CADPS2: variants seen among roughly 807,000 people sequenced by gnomAD.
CADPS2 encodes the protein calcium-dependent secretion activator 2.
A neutral mutation model predicts 172.5 loss-of-function variants in CADPS2; 93 were observed. That is an observed-to-expected ratio of 0.54 (90% CI 0.46 to 0.64). CADPS2 has a LOEUF of 0.64. Among genes scored for constraint, CADPS2 ranks in the 30% least tolerant of loss-of-function variants. CADPS2 has a pLI of 0.00. For missense variants in CADPS2, 1,420 were observed against 1,565.9 expected, an observed-to-expected ratio of 0.91 and a Z score of 1.57; for synonymous variants, 546 against 555.2, an observed-to-expected ratio of 0.98 and a Z score of 0.23.
intron 6 of CADPS2, among the ~76,000 whole-genome samples, chr7:122,597,185 G>A (rs527446811): frequency 1.3e-5 from 2 of 152,024 alleles, no homozygotes; most frequent in Non-Finnish European, 2.9e-5. Context: ...GGCTTGGGGG[G>A]TCAAATATCC....
intron 28 of CADPS2, among the ~76,000 whole-genome samples, chr7:122,341,660 T>A (rs887891480): frequency 6.6e-6 from 1 of 152,168 alleles, no homozygotes; most frequent in South Asian, 2.1e-4. Flanking sequence ...AGAAATACGA[T>A]TTCAAAGTTT....
At chr7:122,797,128 GAC>G (rs1207063119) in intron 1 of CADPS2, among the ~76,000 whole-genome samples, 1 of 151,990 alleles carries the variant, frequency 6.6e-6, no homozygotes, top group East Asian at 1.9e-4. Context: ...TATCATTAGA[GAC>G]ACGCAAATCA....
chr7:122,819,255 A>G (rs1437750988), intron 1 of CADPS2, among the ~76,000 whole-genome samples: 2 of 152,272 alleles, frequency 1.3e-5, no homozygotes, highest in Admixed American at 6.5e-5. Flanking sequence ...CTCCTAAGCC[A>G]CGTCCCATCT....
intron 1 of CADPS2, among the ~76,000 whole-genome samples, chr7:122,865,730 GGGAAAA>G (rs1818136697): frequency 6.6e-6 from 1 of 152,174 alleles, no homozygotes; most frequent in Non-Finnish European, 1.5e-5. Context: ...TAATGAAAGG[GGGAAAA>G]GGAAAATGAG....
At chr7:122,838,122 A>G (rs1435042909) in intron 1 of CADPS2, among the ~76,000 whole-genome samples, 3 of 152,234 alleles carry the variant, frequency 2.0e-5, no homozygotes, top group African/African-American at 7.2e-5. Context: ...AGGCTGGTTC[A>G]ACATATACAA....
At chr7:122,869,808 T>C (rs1453384101) in intron 1 of CADPS2, among the ~76,000 whole-genome samples, 1 of 152,070 alleles carries the variant, frequency 6.6e-6, no homozygotes, top group Non-Finnish European at 1.5e-5. Context: ...ACAAAATATG[T>C]CATGAATAAT....
chr7:122,858,115 G>GGGTCCATTTTACAGAGTGCCGATT lies in CADPS2; in HGVS notation c.339+27860_339+27883dup, dbSNP rs1411181046. 7.9e-5 allele frequency among the ~76,000 whole-genome samples: 12 copies of GGGTCCATTTTACAGAGTGCCGATT among 152,186 alleles called. No individual in the cohort carries two copies. The East Asian group carries it at 1.9e-3, about 25-fold the overall frequency. ...TTGTCCCCGCCCACATCCTTCTGAT[G>GGGTCCATTTTACAGAGTGCCGATT]GGTCCATTTTACAGAGTGCCGATTG... On this transcript the variant is annotated intron_variant, in intron 1 of 29. Transcript: ENST00000449022.
intron 2 of CADPS2, among the ~76,000 whole-genome samples, chr7:122,711,230 A>C (rs575484414): frequency 1.1e-4 from 17 of 152,162 alleles, no homozygotes; most frequent in South Asian, 4.1e-4. Context: ...AAATGGACTA[A>C]ATATGGAATA....
intron 7 of CADPS2, among the ~76,000 whole-genome samples, chr7:122,556,358 T>C (rs6952217): frequency 0.37 from 56,349 of 151,898 alleles, 10,849 homozygotes; most frequent in Middle Eastern, 0.43. Context: ...ATTTTCCTAA[T>C]AAGTCTGGAA....
At chr7:122,592,874 A>T (rs1185798729) in intron 6 of CADPS2, among the ~76,000 whole-genome samples, 1 of 151,882 alleles carries the variant, frequency 6.6e-6, no homozygotes, top group Non-Finnish European at 1.5e-5. Context: ...GCATTAGGAG[A>T]TATACCTAAT....
intron 7 of CADPS2, among the ~76,000 whole-genome samples, chr7:122,565,727 A>G (rs971156430): frequency 3.9e-5 from 6 of 152,202 alleles, no homozygotes; most frequent in Non-Finnish European, 8.8e-5. Flanking sequence ...ACAAAATTAT[A>G]CATATTTACA....
At chr7:122,593,976 A>G (rs1563804489) in intron 6 of CADPS2, among the ~76,000 whole-genome samples, 1 of 152,118 alleles carries the variant, frequency 6.6e-6, no homozygotes, top group Non-Finnish European at 1.5e-5. Context: ...AACATAATTT[A>G]CAGTCTATAA....
At chr7:122,659,938 G>C (rs148635421) in intron 3 of CADPS2, among the ~76,000 whole-genome samples, 2 of 152,142 alleles carry the variant, frequency 1.3e-5, no homozygotes, top group East Asian at 3.9e-4. Flanking sequence ...GAAGAAACAA[G>C]GACTTTCTCA....
chr7:122,506,182 T>C (rs1047112184), intron 9 of CADPS2, among the ~76,000 whole-genome samples: 1 of 152,212 alleles, frequency 6.6e-6, no homozygotes, highest in Non-Finnish European at 1.5e-5. Flanking sequence ...GTTTGACCTA[T>C]TCTGATCCGG....
At chr7:122,480,645 T>C (rs2057178103) in intron 12 of CADPS2, among the ~76,000 whole-genome samples, 1 of 152,196 alleles carries the variant, frequency 6.6e-6, no homozygotes, top group Non-Finnish European at 1.5e-5. Context: ...CTTGTGCCTG[T>C]ATGAATGGTA....
intron 25 of CADPS2, among the ~76,000 whole-genome samples, chr7:122,365,985 T>C (rs897705897): frequency 2.6e-5 from 4 of 152,164 alleles, no homozygotes; most frequent in Non-Finnish European, 5.9e-5. Context: ...AAGGAATATT[T>C]GCATCATTTA....
intron 1 of CADPS2, among the ~76,000 whole-genome samples, chr7:122,784,170 T>C (rs1251599823): frequency 1.3e-5 from 2 of 152,202 alleles, no homozygotes; most frequent in Non-Finnish European, 2.9e-5. Context: ...TCACATCCCC[T>C]AATAAGCTCA....
At chr7:122,840,231 A>G (rs1287291974) in intron 1 of CADPS2, among the ~76,000 whole-genome samples, 1 of 152,172 alleles carries the variant, frequency 6.6e-6, no homozygotes, top group African/African-American at 2.4e-5. Flanking sequence ...TTGAACAGTG[A>G]GAACACTTGG....
chr7:122,465,484 T>C (rs1211258038), intron 14 of CADPS2, among the ~76,000 whole-genome samples: 2 of 152,184 alleles, frequency 1.3e-5, no homozygotes, highest in African/African-American at 4.8e-5. Context: ...AAGCGAGTAC[T>C]GCCTGACTTC....
Sources: gnomAD v4.1 joint callset for allele counts (sites outside exome capture counted in the v4.1 genomes callset) on GRCh38, gnomAD v4.1.1 for gene constraint, MANE v1.5 for transcripts, NCBI Gene and HGNC (gene_info 2026-07-23, HGNC 2026-07-21) for gene names.